Variants in ZRANB3 observed in about 807,000 individuals in gnomAD.
The protein encoded by ZRANB3 is DNA annealing helicase and endonuclease ZRANB3.
Under a neutral mutation model 133.8 loss-of-function variants are expected in ZRANB3, and 125 were observed. The ratio of observed to expected loss-of-function variants is 0.93; its 90% CI spans 0.81 to 1.08. The LOEUF (loss-of-function observed/expected upper bound fraction) is 1.08. ZRANB3 is among the 50% of genes least tolerant of loss of function. The pLI, the probability that ZRANB3 is intolerant of heterozygous loss-of-function variation, is 0.00. For synonymous variants in ZRANB3, 387 were observed against 432.7 expected (o/e 0.89, Z 1.31); for missense variants, 1,229 against 1,275.5 (o/e 0.96, Z 0.56).
chr2:135,243,226 G>T (rs1457249042), intron 12 of ZRANB3, among the ~76,000 whole-genome samples: 1 of 152,182 alleles, frequency 6.6e-6, no homozygotes, highest in Non-Finnish European at 1.5e-5. Flanking sequence ...AGAGAAAGGT[G>T]CTAAAGAGGC....
intron 17 of ZRANB3, among the ~76,000 whole-genome samples, chr2:135,209,588 A>C (rs1393369900): frequency 6.6e-6 from 1 of 152,218 alleles, no homozygotes; most frequent in East Asian, 1.9e-4. Flanking sequence ...TTATTACCCA[A>C]CACTAACAAT....
intron 2 of ZRANB3, among the ~76,000 whole-genome samples, chr2:135,404,581 A>C (rs1471344470): frequency 6.6e-6 from 1 of 152,184 alleles, no homozygotes; most frequent in Non-Finnish European, 1.5e-5. Flanking sequence ...CCAACATTCA[A>C]ATTCAGGAAA....
chr2:135,319,636 C>A (rs1213612948), intron 6 of ZRANB3, among the ~76,000 whole-genome samples: 1 of 152,132 alleles, frequency 6.6e-6, no homozygotes, highest in Admixed American at 6.5e-5. Flanking sequence ...AACCTTGCTT[C>A]TCTTCCAGTA....
intron 12 of ZRANB3, among the ~76,000 whole-genome samples, chr2:135,246,125 G>A (rs1315558508): frequency 5.4e-5 from 7 of 129,354 alleles, no homozygotes; most frequent in Non-Finnish European, 1.1e-4. Context: ...CGCAACTTCC[G>A]CCTCCCAGGT....
chr2:135,254,902 C>T (rs1035908000), intron 12 of ZRANB3, among the ~76,000 whole-genome samples: 5 of 151,962 alleles, frequency 3.3e-5, no homozygotes, highest in Non-Finnish European at 5.9e-5. Flanking sequence ...AGGCACACAC[C>T]GCCACACCTA....
At position 135,274,522 on chromosome 2, in the gene ZRANB3, C is replaced by T. The variant is rs369909248; in HGVS notation, c.1086+1114G>A. On this transcript the variant is annotated intron_variant, in intron 9 of 20. Coordinates refer to ENST00000264159, the MANE Select transcript of ZRANB3 (RefSeq NM_032143.4). ...TTTAACTGTCTACACCACTCTAAAA[C>T]GGTATATCCAGGAACAAAAATAAAA... 4.3e-4 allele frequency among the ~76,000 whole-genome samples: 65 copies of T among 152,192 alleles called. No individual in the cohort carries two copies. The South Asian group carries it at 0.011, about 26-fold the overall frequency.
At chr2:135,361,815 T>C (rs1308510396) in intron 3 of ZRANB3, among the ~76,000 whole-genome samples, 1 of 152,234 alleles carries the variant, frequency 6.6e-6, no homozygotes, top group Non-Finnish European at 1.5e-5. Context: ...GTATATATTT[T>C]AGCAGAACCA....
intron 2 of ZRANB3, among the ~76,000 whole-genome samples, chr2:135,428,383 G>A (rs62172202): frequency 0.041 from 5,824 of 140,512 alleles, 130 homozygotes; most frequent in Admixed American, 0.051. Context: ...CCAAGATCGC[G>A]TCATTACACT....
At chr2:135,413,738 G>C (rs573879089) in intron 2 of ZRANB3, among the ~76,000 whole-genome samples, 1 of 152,068 alleles carries the variant, frequency 6.6e-6, no homozygotes, top group Non-Finnish European at 1.5e-5. Flanking sequence ...TATTTCCACA[G>C]GTTTTGTATC....
intron 8 of ZRANB3, among the ~76,000 whole-genome samples, chr2:135,278,479 AAAT>A (rs1680943641): frequency 6.6e-6 from 1 of 152,168 alleles, no homozygotes; most frequent in African/African-American, 2.4e-5. Flanking sequence ...CAAAGAAAGA[AAAT>A]AATATATAAA....
chr2:135,519,237 T>C (rs886854250), intron 1 of ZRANB3, among the ~76,000 whole-genome samples: 1 of 152,300 alleles, frequency 6.6e-6, no homozygotes. Context: ...TTCTAAGATG[T>C]TACCACTGGA....
intron 2 of ZRANB3, among the ~76,000 whole-genome samples, chr2:135,427,833 G>A (rs567085030): frequency 1.8e-4 from 28 of 152,204 alleles, no homozygotes; most frequent in African/African-American, 5.5e-4. Flanking sequence ...AAACAGCATG[G>A]TACTGGCACA....
chr2:135,409,383 A>G (rs1389952953), intron 2 of ZRANB3, among the ~76,000 whole-genome samples: 4 of 152,182 alleles, frequency 2.6e-5, no homozygotes, highest in African/African-American at 9.7e-5. Context: ...AAAAACAAAA[A>G]ACACATGATC....
chr2:135,445,545 C>T (rs1207424827), intron 2 of ZRANB3, among the ~76,000 whole-genome samples: 2 of 152,032 alleles, frequency 1.3e-5, no homozygotes, highest in East Asian at 3.9e-4. Context: ...ATTGCCAGAG[C>T]AATGTTCTTG....
intron 2 of ZRANB3, among the ~76,000 whole-genome samples, chr2:135,461,386 G>A (rs1416246789): frequency 6.6e-6 from 1 of 152,084 alleles, no homozygotes; most frequent in African/African-American, 2.4e-5. Flanking sequence ...CCTGATCAAC[G>A]TGGAGAAACC....
intron 1 of ZRANB3, among the ~76,000 whole-genome samples, chr2:135,522,649 A>T (rs1045793660): frequency 6.6e-6 from 1 of 151,454 alleles, no homozygotes; most frequent in Non-Finnish European, 1.5e-5. Flanking sequence ...AAAATACAAA[A>T]ATTAGCCAGG....
chr2:135,246,835 A>G lies in ZRANB3; in HGVS notation c.1540-15908T>C, dbSNP rs981071418. Among the ~76,000 whole-genome samples, 6 of 152,354 alleles carry G rather than the reference A, an allele frequency of 3.9e-5. 1 individual carries two copies. In the South Asian group the frequency reaches 1.2e-3, roughly 32 times the overall value. On this transcript the variant is annotated intron_variant, in intron 12 of 20. Coordinates refer to ENST00000264159, the MANE Select transcript of ZRANB3 (RefSeq NM_032143.4). The stretch of plus-strand genomic sequence containing the variant: ...TTAAGATGGCAAAATGCATGTTTTT[A>G]TCTGAAAAGTTCAGAGTCCTAATCT...
At chr2:135,518,100 C>T (rs114325403) in intron 1 of ZRANB3, among the ~76,000 whole-genome samples, 1 of 152,128 alleles carries the variant, frequency 6.6e-6, no homozygotes, top group African/African-American at 2.4e-5. Context: ...ATGGCAAATG[C>T]CCCTCCCCCT....
intron 12 of ZRANB3, among the ~76,000 whole-genome samples, chr2:135,257,551 A>C (rs1381164032): frequency 1.3e-5 from 2 of 152,184 alleles, no homozygotes; most frequent in African/African-American, 4.8e-5. Flanking sequence ...CCAATCAACA[A>C]TATATGAGTC....
Sources: allele counts gnomAD v4.1 joint callset (sites outside exome capture counted in the v4.1 genomes callset), GRCh38; gene constraint gnomAD v4.1.1; transcripts MANE v1.5; gene names NCBI Gene and HGNC (gene_info 2026-07-23, HGNC 2026-07-21).